Variants in COLEC10 observed in about 807,000 individuals in gnomAD.
COLEC10 encodes the protein collectin-10.
A neutral mutation model predicts 28.4 loss-of-function variants in COLEC10; 22 were observed. That is an observed-to-expected ratio of 0.78 (90% confidence interval 0.55 to 1.11). COLEC10 has a LOEUF of 1.11. Among genes scored for constraint, COLEC10 ranks in the 50% least tolerant of loss-of-function variants. COLEC10 has a pLI of 0.00. For synonymous variants in COLEC10, 125 were observed against 116.1 expected (o/e 1.08, Z -0.49); for missense variants, 361 against 344.1 (o/e 1.05, Z -0.39).
the COLEC10 span, among the ~76,000 whole-genome samples, chr8:118,958,000 GTGC>G: frequency 2.0e-5 from 3 of 152,188 alleles, no homozygotes; most frequent in Non-Finnish European, 4.4e-5. Flanking sequence ...CACACTGCCT[GTGC>G]TGAAGTATTT....
At chr8:119,085,338 T>C (rs1053184221) in intron 1 of COLEC10, among the ~76,000 whole-genome samples, 43 of 151,964 alleles carry the variant, frequency 2.8e-4, no homozygotes, top group Admixed American at 3.9e-4. Context: ...GAGGTTGAGG[T>C]TGGGGAAGTA....
the COLEC10 span, among the ~76,000 whole-genome samples, chr8:118,968,687 A>T: frequency 7.9e-5 from 12 of 151,956 alleles, no homozygotes; most frequent in Admixed American, 7.9e-4. Flanking sequence ...GGTTTGTTAC[A>T]TAGGTATACA....
the COLEC10 span, among the ~76,000 whole-genome samples, chr8:118,965,280 G>C: frequency 6.6e-6 from 1 of 152,008 alleles, no homozygotes; most frequent in Non-Finnish European, 1.5e-5. Context: ...AGAGAACTCA[G>C]GCTCTTTCTA....
At chr8:118,960,355 C>T in the COLEC10 span, among the ~76,000 whole-genome samples, 5 of 152,166 alleles carry the variant, frequency 3.3e-5, no homozygotes, top group African/African-American at 9.7e-5. Flanking sequence ...TGAGCATGAT[C>T]AGACCTAAGC....
intron 2 of COLEC10, among the ~76,000 whole-genome samples, chr8:119,046,111 C>T (rs924876374): frequency 2.6e-5 from 4 of 152,128 alleles, no homozygotes; most frequent in African/African-American, 9.7e-5. Flanking sequence ...AGAAAGATTA[C>T]CTAATTATAG....
At chr8:119,090,198 T>C (rs763539966) in intron 2 of COLEC10, among the ~76,000 whole-genome samples, 8 of 152,218 alleles carry the variant, frequency 5.3e-5, no homozygotes, top group Non-Finnish European at 8.8e-5. Flanking sequence ...CTTTATTTCT[T>C]TAATTCCCTC....
At chr8:119,048,657 A>C (rs1031831673) in intron 2 of COLEC10, among the ~76,000 whole-genome samples, 9 of 151,780 alleles carry the variant, frequency 5.9e-5, no homozygotes, top group Non-Finnish European at 7.4e-5. Flanking sequence ...AAGAATAGTG[A>C]CTCCTGCTCT....
the COLEC10 span, among the ~76,000 whole-genome samples, chr8:118,988,955 G>GCAAAA: frequency 2.6e-5 from 4 of 151,892 alleles, no homozygotes; most frequent in Non-Finnish European, 5.9e-5. Context: ...ATGCCAAAAG[G>GCAAAA]CAAAACAAAA....
chr8:119,085,924 A>G (rs1815472444), intron 1 of COLEC10, among the ~76,000 whole-genome samples: 1 of 152,098 alleles, frequency 6.6e-6, no homozygotes, highest in Non-Finnish European at 1.5e-5. Flanking sequence ...AGTCTATCCC[A>G]TTCAATTCTA....
chr8:118,976,278 A>G, the COLEC10 span, among the ~76,000 whole-genome samples: 1 of 152,084 alleles, frequency 6.6e-6, no homozygotes, highest in Non-Finnish European at 1.5e-5. Flanking sequence ...TTTGTAGTTT[A>G]CACAAAATAC....
chr8:118,992,385 G>C (rs1012494240), upstream of COLEC10, among the ~76,000 whole-genome samples: 5 of 152,186 alleles, frequency 3.3e-5, no homozygotes, highest in East Asian at 9.7e-4. Context: ...GACAGTGCCT[G>C]TCCAAAATAA....
intron 1 of COLEC10, among the ~76,000 whole-genome samples, chr8:119,084,706 A>C (rs904545066): frequency 6.6e-6 from 1 of 152,238 alleles, no homozygotes; most frequent in Non-Finnish European, 1.5e-5. Context: ...CTTTAAAAAC[A>C]CTTACTGAAG....
chr8:119,057,567 C>A (rs1450619680), intron 2 of COLEC10, among the ~76,000 whole-genome samples: 1 of 151,940 alleles, frequency 6.6e-6, no homozygotes, highest in Non-Finnish European at 1.5e-5. Context: ...CTTCTCTGTC[C>A]CCTCAACTAG....
chr8:118,977,006 T>C, the COLEC10 span, among the ~76,000 whole-genome samples: 2 of 149,234 alleles, frequency 1.3e-5, no homozygotes, highest in Admixed American at 6.7e-5. Context: ...AAAATGCTCA[T>C]CATCACTGGC....
chr8:119,019,731 A>G (rs1260889774), intron 2 of COLEC10, among the ~76,000 whole-genome samples: 1 of 152,122 alleles, frequency 6.6e-6, no homozygotes, highest in East Asian at 1.9e-4. Context: ...CCTTCTCACG[A>G]CAGTGTCAAT....
intron 2 of COLEC10, among the ~76,000 whole-genome samples, chr8:119,026,309 T>C (rs986595950): frequency 4.6e-5 from 7 of 152,160 alleles, no homozygotes; most frequent in Non-Finnish European, 7.4e-5. Flanking sequence ...ATCCTAGCAC[T>C]TTGGGAGACC....
At chr8:119,098,322 C>A (rs1815761055) in intron 3 of COLEC10, among the ~76,000 whole-genome samples, 1 of 151,974 alleles carries the variant, frequency 6.6e-6, no homozygotes, top group African/African-American at 2.4e-5. Flanking sequence ...AGCTGAGCCC[C>A]AAAGTGGATG....
At chr8:119,001,498 T>G (rs1487412198) in intron 1 of COLEC10, among the ~76,000 whole-genome samples, 1 of 152,138 alleles carries the variant, frequency 6.6e-6, no homozygotes, top group African/African-American at 2.4e-5. Flanking sequence ...TGATGCAAAG[T>G]AATGGGCCAA....
intron 1 of COLEC10, among the ~76,000 whole-genome samples, chr8:118,997,894 T>C (rs756208021): frequency 1.3e-5 from 2 of 152,188 alleles, no homozygotes; most frequent in African/African-American, 2.4e-5. Context: ...TAGAGAGCAG[T>C]AAAATAAAGG....
Sources: gnomAD v4.1 joint callset for allele counts (sites outside exome capture counted in the v4.1 genomes callset) on GRCh38, gnomAD v4.1.1 for gene constraint, MANE v1.5 for transcripts, NCBI Gene and HGNC (gene_info 2026-07-23, HGNC 2026-07-21) for gene names.